PHACTR3: variants seen among roughly 807,000 people sequenced by gnomAD.
PHACTR3 encodes protein phosphatase 1, regulatory subunit 123.
A neutral mutation model predicts 66.8 loss-of-function variants in PHACTR3; 16 were observed. The ratio of observed to expected loss-of-function variants is 0.24; its 90% CI spans 0.16 to 0.36. The LOEUF is 0.36. PHACTR3 is among the 10% of genes least tolerant of loss of function. The pLI is 1.00. For synonymous variants in PHACTR3, 323 were observed against 292.1 expected (o/e 1.11, Z -1.08); for missense variants, 647 against 719.9 (o/e 0.90, Z 1.16).
intron 7 of PHACTR3, among the ~76,000 whole-genome samples, chr20:59,776,705 G>A (rs2040549303): frequency 6.6e-6 from 1 of 152,226 alleles, no homozygotes; most frequent in Admixed American, 6.5e-5. Flanking sequence ...CCTCTCGGGA[G>A]CCTCAGGCCT....
intron 1 of PHACTR3, among the ~76,000 whole-genome samples, chr20:59,618,492 G>A (rs1306584725): frequency 6.6e-6 from 1 of 152,216 alleles, no homozygotes; most frequent in Non-Finnish European, 1.5e-5. Flanking sequence ...GTGGGGCCTG[G>A]GCTGGGGTTT....
intron 4 of PHACTR3, among the ~76,000 whole-genome samples, chr20:59,756,817 C>T (rs1194578875): frequency 6.6e-6 from 1 of 151,994 alleles, no homozygotes; most frequent in Non-Finnish European, 1.5e-5. Context: ...TGCTTTCCCT[C>T]CCCCTCCCCC....
chr20:59,708,345 T>G (rs1433390236), intron 1 of PHACTR3, among the ~76,000 whole-genome samples: 1 of 152,192 alleles, frequency 6.6e-6, no homozygotes, highest in East Asian at 1.9e-4. Context: ...GGAAGTTCTC[T>G]GGGCACCAGC....
rs143295178 is a variant in PHACTR3, at chr20:59,745,327, A to G, written c.280+2059A>G. The stretch of plus-strand genomic sequence containing the variant: ...CCAGGCCTGCTGACCCCAGCAGTGG[A>G]ACTGGAAGGCTGAGGTTTGTCTTCT... On this transcript the variant is annotated intron_variant, in intron 2 of 12. Transcript: ENST00000371015. Among the ~76,000 whole-genome samples the G allele has an allele frequency of 4.6e-3, 706 of 152,138 alleles. 7 individuals are homozygous for G. Among genetic ancestry groups the G allele is most frequent in the African/African-American group, 0.016 (667 of 41,518 alleles).
intron 1 of PHACTR3, among the ~76,000 whole-genome samples, chr20:59,633,261 T>C (rs1438710740): frequency 6.6e-6 from 1 of 152,170 alleles, no homozygotes; most frequent in African/African-American, 2.4e-5. Context: ...CAAATGCCCA[T>C]CAATGATAGA....
intron 1 of PHACTR3, among the ~76,000 whole-genome samples, chr20:59,598,791 C>T (rs114115254): frequency 2.6e-5 from 4 of 152,302 alleles, no homozygotes; most frequent in African/African-American, 9.6e-5. Context: ...CATTCCCACC[C>T]GCCACTACTT....
chr20:59,808,963 G>A (rs537621842), intron 8 of PHACTR3, among the ~76,000 whole-genome samples: 2 of 152,220 alleles, frequency 1.3e-5, no homozygotes, highest in East Asian at 1.9e-4. Flanking sequence ...ACCACCAAAC[G>A]TGTCCCAGAC....
chr20:59,686,416 T>C (rs534897566), intron 1 of PHACTR3, among the ~76,000 whole-genome samples: 1 of 152,222 alleles, frequency 6.6e-6, no homozygotes, highest in South Asian at 2.1e-4. Context: ...ATGTTTAAAG[T>C]CCTGGAACAG....
At chr20:59,795,128 G>A (rs183568123) in intron 7 of PHACTR3, among the ~76,000 whole-genome samples, 7 of 151,902 alleles carry the variant, frequency 4.6e-5, no homozygotes, top group Admixed American at 6.6e-5. Context: ...GGCAATTGTT[G>A]TTGCATGCTT....
intron 1 of PHACTR3, among the ~76,000 whole-genome samples, chr20:59,660,472 G>A (rs1250134230): frequency 6.6e-6 from 1 of 152,148 alleles, no homozygotes; most frequent in Non-Finnish European, 1.5e-5. Flanking sequence ...CCAGCCTGGG[G>A]GACAGCGAGA....
chr20:59,688,472 T>C (rs2036982199), intron 1 of PHACTR3, among the ~76,000 whole-genome samples: 1 of 152,202 alleles, frequency 6.6e-6, no homozygotes, highest in African/African-American at 2.4e-5. Flanking sequence ...TGGGAAAGCC[T>C]AGTCGGCTTT....
intron 1 of PHACTR3, among the ~76,000 whole-genome samples, chr20:59,580,039 G>C (rs1388629612): frequency 6.6e-6 from 1 of 152,188 alleles, no homozygotes; most frequent in African/African-American, 2.4e-5. Flanking sequence ...TTGCACGTCT[G>C]AGTCTGGAGC....
intron 8 of PHACTR3, among the ~76,000 whole-genome samples, chr20:59,807,963 A>G (rs918869375): frequency 3.9e-5 from 6 of 152,146 alleles, no homozygotes; most frequent in Admixed American, 1.3e-4. Context: ...TTGCACCCCC[A>G]TAAGTTTCCC....
At position 59,845,194 on chromosome 20, in the gene PHACTR3, A is replaced by G; in HGVS notation, c.1593A>G (p.Ala531=). 6.3e-7 allele frequency: 1 copy of G among 1,596,896 alleles called. No homozygotes were observed. The highest frequency in any genetic ancestry group is 2.2e-5 in the East Asian group (1 of 44,704). ...GTCTTGTTTTTAAATTTCAGGCAGC[A>G]ATTCGTAAAGAATTAAATGAGTACA... ...WTRLSAADKA[A]IRKELNEYKS... Residue 531 remains alanine (A), a synonymous_variant, in exon 12 of 13, where the codon GCA becomes GCG. Coordinates refer to ENST00000371015, the MANE Select transcript of PHACTR3 (RefSeq NM_080672.5).
At chr20:59,717,198 G>A (rs538216668) in intron 1 of PHACTR3, among the ~76,000 whole-genome samples, 2 of 152,158 alleles carry the variant, frequency 1.3e-5, no homozygotes, top group Non-Finnish European at 2.9e-5. Flanking sequence ...GGGCCCTTGA[G>A]TGTTTATTTA....
chr20:59,760,368 G>A (rs1260287057), intron 4 of PHACTR3, among the ~76,000 whole-genome samples: 3 of 152,134 alleles, frequency 2.0e-5, no homozygotes, highest in African/African-American at 7.2e-5. Flanking sequence ...GTTTGGCTGT[G>A]TCCGCACCCA....
chr20:59,781,999 A>C (rs1430986207), intron 7 of PHACTR3, among the ~76,000 whole-genome samples: 13 of 152,180 alleles, frequency 8.5e-5, no homozygotes, highest in Non-Finnish European at 1.3e-4. Context: ...TGTATTCAGC[A>C]AGTACTATAT....
intron 5 of PHACTR3, among the ~76,000 whole-genome samples, chr20:59,770,234 AG>A (rs766896543): frequency 1.3e-5 from 2 of 152,208 alleles, no homozygotes; most frequent in Non-Finnish European, 2.9e-5. Context: ...GCGTTTCCAT[AG>A]GGACTGAATT....
chr20:59,593,296 G>A (rs1483333439), intron 1 of PHACTR3, among the ~76,000 whole-genome samples: 1 of 152,156 alleles, frequency 6.6e-6, no homozygotes, highest in Non-Finnish European at 1.5e-5. Context: ...AGCATCTGTA[G>A]GTTATTTTGA....
Sources: allele counts gnomAD v4.1 joint callset (sites outside exome capture counted in the v4.1 genomes callset), GRCh38; gene constraint gnomAD v4.1.1; transcripts MANE v1.5; gene names NCBI Gene and HGNC (gene_info 2026-07-23, HGNC 2026-07-21).